The following DAAM1 variants were observed in gnomAD, a reference collection of about 807,000 sequenced individuals.
DAAM1 encodes dishevelled associated activator of morphogenesis 1.
DAAM1 carries 52 observed loss-of-function variants against 130.0 expected under a neutral mutation model. That is an observed-to-expected ratio of 0.40 (90% CI 0.32 to 0.50). The LOEUF is 0.50. Among genes scored for constraint, DAAM1 ranks in the 20% least tolerant of loss-of-function variants. The pLI is 0.61. For synonymous variants in DAAM1, 452 were observed against 444.5 expected (o/e 1.02, Z -0.21); for missense variants, 1,134 against 1,303.8 (o/e 0.87, Z 2.01).
chr14:59,234,232 A>G (rs978915246), intron 1 of DAAM1, among the ~76,000 whole-genome samples: 3 of 152,048 alleles, frequency 2.0e-5, no homozygotes. Flanking sequence ...CAGTGTGGCC[A>G]TTTTCATGTT....
chr14:59,255,430 T>C (rs1436424061), intron 1 of DAAM1, among the ~76,000 whole-genome samples: 1 of 152,134 alleles, frequency 6.6e-6, no homozygotes, highest in Non-Finnish European at 1.5e-5. Flanking sequence ...ATCTGGTGTA[T>C]TTGGGAAATG....
intron 1 of DAAM1, among the ~76,000 whole-genome samples, chr14:59,241,044 T>C (rs1279960702): frequency 6.6e-6 from 1 of 152,256 alleles, no homozygotes; most frequent in Admixed American, 6.5e-5. Flanking sequence ...CATGCATATG[T>C]GCTTCAAAGA....
Position 59,324,441 on chromosome 14 carries a change from T to G in DAAM1, c.976T>G (p.Ser326Ala). The stretch of plus-strand genomic sequence containing the variant: ...AGATAAATTAAGGGAACACGAAAAT[T>G]CAACATTAGATAGGTAAGTCAGACT... ...VIDKLREHEN[S>A]TLDRHLDFFE... The change falls in exon 8 of 25, where the codon TCA (serine) becomes GCA (alanine). Residue 326 changes from serine (S) to alanine (A), a missense_variant. Around this residue, in one of 3 missense-constraint regions of DAAM1, gnomAD observed 391 missense variants for 521.6 expected, o/e 0.75. Transcript: ENST00000360909. The G allele has an allele frequency of 6.3e-7, 1 of 1,582,892 alleles. No homozygotes were observed.
At chr14:59,279,645 A>G (rs1306720158) in intron 2 of DAAM1, among the ~76,000 whole-genome samples, 2 of 152,352 alleles carry the variant, frequency 1.3e-5, no homozygotes, top group Admixed American at 1.3e-4. Context: ...TACAGCTTCC[A>G]GAAGAAACCA....
At chr14:59,221,679 C>A (rs908664965) in intron 1 of DAAM1, among the ~76,000 whole-genome samples, 9 of 152,190 alleles carry the variant, frequency 5.9e-5, no homozygotes, top group South Asian at 2.1e-4. Context: ...GAATAGTAGT[C>A]CAGTTTCTTC....
At chr14:59,203,158 A>ATTTTTTTTTTT (rs57437992) in intron 1 of DAAM1, among the ~76,000 whole-genome samples, 24 of 108,056 alleles carry the variant, frequency 2.2e-4, no homozygotes, top group Non-Finnish European at 2.6e-4. Flanking sequence ...CTTCTGGCTA[A>ATTTTTTTTTTT]TTTTTTTTTT....
chr14:59,350,849 C>A (rs1886264288), intron 17 of DAAM1, among the ~76,000 whole-genome samples: 1 of 152,080 alleles, frequency 6.6e-6, no homozygotes, highest in South Asian at 2.1e-4. Flanking sequence ...TTCTCTTCAG[C>A]CCTGCTTTTT....
chr14:59,234,737 A>T (rs563339385), intron 1 of DAAM1, among the ~76,000 whole-genome samples: 2 of 152,172 alleles, frequency 1.3e-5, no homozygotes, highest in African/African-American at 4.8e-5. Flanking sequence ...GCTTTTGCCC[A>T]TTCAGTATGA....
chr14:59,332,448 G>T (rs1215288192), intron 15 of DAAM1, among the ~76,000 whole-genome samples: 1 of 152,182 alleles, frequency 6.6e-6, no homozygotes, highest in Non-Finnish European at 1.5e-5. Flanking sequence ...ACAGAAGTGG[G>T]GTTGTAAAGA....
Position 59,348,710 on chromosome 14 carries a change from G to A in DAAM1, c.2160+1087G>A, listed in dbSNP as rs555276360. 3.3e-5 allele frequency among the ~76,000 whole-genome samples: 5 copies of A among 152,288 alleles called. No individual in the cohort carries two copies. In the South Asian group the frequency reaches 1.0e-3, roughly 32 times the overall value. On this transcript the variant is annotated intron_variant, in intron 17 of 24. Coordinates refer to ENST00000360909, the MANE Select transcript of DAAM1 (RefSeq NM_001270520.2). ...TTTGTGTTGTTAACAGTAATCCTGA[G>A]TGGTGAAGTTGCTCTGGGTAGAGTG...
chr14:59,227,542 G>A (rs1269938), intron 1 of DAAM1, among the ~76,000 whole-genome samples: 19,511 of 152,206 alleles, frequency 0.13, 1,450 homozygotes, highest in Middle Eastern at 0.2. Flanking sequence ...TATTTATCTT[G>A]TGCTGCATAA....
At chr14:59,203,936 G>T (rs1215471957) in intron 1 of DAAM1, among the ~76,000 whole-genome samples, 1 of 152,182 alleles carries the variant, frequency 6.6e-6, no homozygotes, top group Non-Finnish European at 1.5e-5. Context: ...GGATTATGTA[G>T]CTCAAGGTTT....
Position 59,338,554 on chromosome 14 carries a change from T to G in DAAM1, c.1969-1520T>G. On this transcript the variant is annotated intron_variant, in intron 15 of 24. Coordinates refer to ENST00000360909, the MANE Select transcript of DAAM1 (RefSeq NM_001270520.2). ...ATCTAATGCCTAGGTAACTCCACTTTGGATTTCAACTCTTAAATGAGTATC... is the reference window on the plus strand; with the variant it reads ...ATCTAATGCCTAGGTAACTCCACTTGGGATTTCAACTCTTAAATGAGTATC... 6.9e-6 allele frequency: 6 copies of G among 870,428 alleles called. No homozygotes were observed. In the South Asian group the frequency reaches 8.5e-5, roughly 12 times the overall value. 53.9% of individuals were successfully genotyped at this position (870,428 alleles called of 1,614,324 possible).
chr14:59,194,884 G>A (rs1264653528), intron 1 of DAAM1, among the ~76,000 whole-genome samples: 4 of 152,194 alleles, frequency 2.6e-5, no homozygotes, highest in Non-Finnish European at 4.4e-5. Flanking sequence ...CAGTTGGTGC[G>A]ATTTCGTGAC....
intron 2 of DAAM1, among the ~76,000 whole-genome samples, chr14:59,267,333 A>G (rs1457187369): frequency 6.6e-6 from 1 of 152,152 alleles, no homozygotes; most frequent in African/African-American, 2.4e-5. Flanking sequence ...TTAGTAAAGC[A>G]AGCCTCAATA....
intron 16 of DAAM1, 127 bp from the exon 17 acceptor site, chr14:59,347,412 A>G: frequency 1.2e-6 from 1 of 851,156 alleles, no homozygotes; most frequent in Non-Finnish European, 1.9e-6. Flanking sequence ...TTGTCAGGAA[A>G]TAAGCTTTCA....
chr14:59,291,929 A>G (rs973447701), intron 3 of DAAM1, among the ~76,000 whole-genome samples: 1 of 152,156 alleles, frequency 6.6e-6, no homozygotes, highest in Non-Finnish European at 1.5e-5. Context: ...TAGGGGTTCT[A>G]TTACCTCAAG....
chr14:59,263,352 A>G, intron 1 of DAAM1, 89 bp from the exon 2 acceptor site: 2 of 1,149,790 alleles, frequency 1.7e-6, no homozygotes. Context: ...TCGTCAGCAC[A>G]CGGAGCTCTT....
chr14:59,248,717 T>C (rs940504612), intron 1 of DAAM1, among the ~76,000 whole-genome samples: 2 of 152,208 alleles, frequency 1.3e-5, no homozygotes, highest in African/African-American at 4.8e-5. Context: ...TTATTTTGTA[T>C]AGGGCAAGCA....
Sources: gnomAD v4.1 joint callset for allele counts (sites outside exome capture counted in the v4.1 genomes callset) on GRCh38, gnomAD v4.1.1 for gene constraint, gnomAD v4.1.1 regional missense constraint, MANE v1.5 for transcripts, NCBI Gene and HGNC (gene_info 2026-07-23, HGNC 2026-07-21) for gene names.